The following NEB variants were observed in gnomAD, a reference collection of about 807,000 sequenced individuals.
NEB encodes nebulin, also known as nemaline myopathy type 2.
Under a neutral mutation model 952.2 loss-of-function variants are expected in NEB, and 512 were observed. The ratio of observed to expected loss-of-function variants is 0.54; its 90% CI spans 0.50 to 0.58. The LOEUF is 0.58. NEB is among the 20% of genes least tolerant of loss of function. The pLI, the probability that NEB is intolerant of heterozygous loss-of-function variation, is 0.00. For missense variants in NEB, 8,428 were observed against 9,231.1 expected (o/e 0.91, Z 3.56); for synonymous variants, 2,900 against 3,149.8 (o/e 0.92, Z 2.66).
chr2:151,534,039 A>C (rs1467621430), intron 142 of NEB, among the ~76,000 whole-genome samples: 1 of 152,218 alleles, frequency 6.6e-6, no homozygotes, highest in Non-Finnish European at 1.5e-5. Flanking sequence ...CAGAGCATGG[A>C]CTGGCACACT....
In NEB at chr2:151,570,354, G is replaced by C. The variant is rs1272988101; in HGVS notation, c.17157C>G (p.His5719Gln). 3 of 1,595,470 alleles carry C rather than the reference G, an allele frequency of 1.9e-6. No homozygotes were observed. Among genetic ancestry groups the C allele is most frequent in the African/African-American group, 1.3e-5 (1 of 74,198 alleles). Residue 5719 changes from histidine to glutamine, a missense_variant, in exon 109 of 182, where the codon CAC becomes CAG. Physicochemically the swap from His to Gln is conservative, Grantham distance 24. Around this residue, in one of 11 missense-constraint regions of NEB, gnomAD observed 3,374 missense variants for 3,651.5 expected, o/e 0.92. Transcript: ENST00000397345. ...CCCTGGCTGTGAGGGTGCCCACGTA[G>C]TGTCCCTTCTGCTTCTCATGGTCAA... ...YKLDHEKQKGHYVGTLTARDD... is the reference protein window; with the variant it reads ...YKLDHEKQKGQYVGTLTARDD...
At chr2:151,529,123 T>C (rs1256654903) in intron 146 of NEB, 87 bp downstream of exon 146, 2 of 852,564 alleles carry the variant, frequency 2.3e-6, no homozygotes, top group Non-Finnish European at 4.0e-6. Flanking sequence ...TAGAGCTGAA[T>C]TGCCTGAAGA....
chr2:151,571,438 T>C (rs988268928), intron 107 of NEB, among the ~76,000 whole-genome samples: 43 of 152,252 alleles, frequency 2.8e-4, no homozygotes, highest in African/African-American at 1.0e-3. Context: ...TAGACATTAA[T>C]GGGTTATTGA....
intron 166 of NEB, 151 bp downstream of exon 166, chr2:151,503,198 G>T: frequency 1.6e-6 from 1 of 624,550 alleles, no homozygotes; most frequent in Non-Finnish European, 2.8e-6. Flanking sequence ...GAGTCATTTT[G>T]TATTAACATA....
chr2:151,568,629 T>A lies in NEB; in HGVS notation c.17623A>T (p.Ile5875Phe). 1.2e-6 allele frequency: 2 copies of A among 1,607,078 alleles called. No homozygotes were observed. The highest frequency in any genetic ancestry group is 2.2e-5 in the South Asian group (2 of 89,624). ...DYVTAKQSGEILDDIKYRKDW... is the reference protein window; with the variant it reads ...DYVTAKQSGEFLDDIKYRKDW... ...AGCCATATACTTACATCATCGAGGA[T>A]CTCGCCACTTTGTTTCGCTGTCACA... is the stretch of plus-strand genomic sequence containing the variant. The change falls in exon 111 of 182, where the codon ATC becomes TTC. Residue 5875 changes from isoleucine to phenylalanine, a missense_variant. Coordinates refer to ENST00000397345, the MANE Select transcript of NEB (RefSeq NM_001164508.2).
intron 71 of NEB, among the ~76,000 whole-genome samples, chr2:151,624,822 G>A (rs2098487252): frequency 1.3e-5 from 2 of 152,104 alleles, no homozygotes; most frequent in Admixed American, 1.3e-4. Context: ...GAACAATTGA[G>A]CAAGACGCTA....
chr2:151,632,305 G>A (rs1387135889), intron 65 of NEB, among the ~76,000 whole-genome samples: 1 of 145,082 alleles, frequency 6.9e-6, no homozygotes, highest in Non-Finnish European at 1.5e-5. Context: ...CTTGTATTTT[G>A]TAGTCTAGAC....
chr2:151,512,622 T>G, intron 161 of NEB, 111 bp downstream of exon 161: 1 of 869,730 alleles, frequency 1.1e-6, no homozygotes, highest in Non-Finnish European at 1.9e-6. Flanking sequence ...TGAATCTCTT[T>G]TTTATTGGGA....
rs143473183 is a variant in NEB, at chr2:151,633,887, T to C, written c.9181A>G (p.Met3061Val). The C allele has an allele frequency of 6.2e-7, 1 of 1,613,996 alleles. No homozygotes were observed. Among genetic ancestry groups the C allele is most frequent in the African/African-American group, 1.3e-5 (1 of 75,042 alleles). The change falls in exon 65 of 182, where the codon ATG (methionine) becomes GTG (valine). Residue 3061 changes from methionine to valine, a missense_variant. Met to Val is a conservative substitution (Grantham distance 21). This residue lies in a region of NEB where 1,772 missense variants were observed against 1,960.3 expected (regional missense o/e 0.90). Coordinates refer to ENST00000397345, the MANE Select transcript of NEB (RefSeq NM_001164508.2). Reference sequence around the variant, plus strand: ...ATCTTGGCTACGTGCATGGACCACATCATCTTGGGGTCATCTTCAATGTTC... The same window carrying C: ...ATCTTGGCTACGTGCATGGACCACACCATCTTGGGGTCATCTTCAATGTTC... ...ARNIEDDPKM[M>V]WSMHVAKIQS...
Position 151,650,235 on chromosome 2 carries a change from T to C in NEB, c.7372A>G (p.Ser2458Gly), listed in dbSNP as rs370745767. Residue 2458 changes from serine (S) to glycine (G), a missense_variant, in exon 54 of 182, where the codon AGC (serine) becomes GGC (glycine). Around this residue, in one of 11 missense-constraint regions of NEB, gnomAD observed 1,772 missense variants for 1,960.3 expected, o/e 0.90. Transcript: ENST00000397345. The part of the protein sequence containing the change: ...RQPPDRNKFT[S>G]IPDAMDIVLA... ...ACTATATCCATGGCATCAGGAATGC[T>C]GGTGAACTTGTTTCTGTCTGGAGGC... The C allele has an allele frequency of 5.6e-6, 9 of 1,613,856 alleles. No homozygotes were observed. Among genetic ancestry groups the C allele is most frequent in the African/African-American group, 5.3e-5 (4 of 74,934 alleles).
At chr2:151,687,570 G>A (rs2099512536) in intron 26 of NEB, 38 bp from the exon 27 acceptor site, 2 of 1,612,788 alleles carry the variant, frequency 1.2e-6, no homozygotes, top group Non-Finnish European at 1.7e-6. Flanking sequence ...CCACTCACCA[G>A]GAAATGTCCC....
chr2:151,687,772 A>T (rs2099514325), intron 25 of NEB, 39 bp from the exon 26 acceptor site: 1 of 1,519,798 alleles, frequency 6.6e-7, no homozygotes, highest in East Asian at 2.4e-5. Context: ...GATAAGAACA[A>T]CAGTGTAATC....
chr2:151,494,155 C>T lies in NEB; in HGVS notation c.24579+6G>A. Reference sequence around the variant, plus strand: ...TTAAAAGCACTTTTGTTTCTCAAGACAATACCGAGCTAATGTTTTCTTGAT... The same window carrying T: ...TTAAAAGCACTTTTGTTTCTCAAGATAATACCGAGCTAATGTTTTCTTGAT... On this transcript the variant is annotated splice_donor_region_variant and intron_variant, in intron 174 of 181. Coordinates refer to ENST00000397345, the MANE Select transcript of NEB (RefSeq NM_001164508.2). The T allele has an allele frequency of 6.3e-7, 1 of 1,597,904 alleles. No individual in the cohort carries two copies. The highest frequency in any genetic ancestry group is 8.5e-7 in the Non-Finnish European group (1 of 1,170,330).
rs199564399 is a variant in NEB at position 151,642,561 on chromosome 2, C to G, written c.8373+13G>C. Reference sequence around the variant, plus strand: ...GCCAAAGCTAAGGCAAATAACTTTCCAAGTATACTTACTTCACTTGCAATA... The same window carrying G: ...GCCAAAGCTAAGGCAAATAACTTTCGAAGTATACTTACTTCACTTGCAATA... On this transcript the variant is annotated intron_variant, in intron 60 of 181. Coordinates refer to ENST00000397345, the MANE Select transcript of NEB (RefSeq NM_001164508.2). 5 of 1,598,328 alleles carry G rather than the reference C, an allele frequency of 3.1e-6. No homozygotes were observed. Among genetic ancestry groups the G allele is most frequent in the Non-Finnish European group, 4.3e-6 (5 of 1,169,250 alleles).
At position 151,631,305 on chromosome 2, in the gene NEB, G is replaced by A. The variant is rs1162835245; in HGVS notation, c.9456C>T (p.Gly3152=). The change falls in exon 66 of 182, where the codon GGC becomes GGT. Residue 3152 remains glycine, a synonymous_variant. Coordinates refer to ENST00000397345, the MANE Select transcript of NEB (RefSeq NM_001164508.2). ...CATCCATAGACCCAATGGGGACCCA[G>A]CCAATGCCTCTCAGCCACTGGAGAT... ...KSDLQWLRGI[G]WVPIGSMDVV... The A allele has an allele frequency of 3.7e-6, 6 of 1,613,822 alleles. No homozygotes were observed. Among genetic ancestry groups the A allele is most frequent in the Non-Finnish European group, 5.1e-6 (6 of 1,179,812 alleles).
At chr2:151,673,872 T>C (rs1354487200) in intron 36 of NEB, among the ~76,000 whole-genome samples, 1 of 151,800 alleles carries the variant, frequency 6.6e-6, no homozygotes, top group Non-Finnish European at 1.5e-5. Context: ...CAGCTGGGAC[T>C]ACAGGTGCCC....
At chr2:151,705,964 T>C (rs966683479) in intron 13 of NEB, among the ~76,000 whole-genome samples, 2 of 152,154 alleles carry the variant, frequency 1.3e-5, no homozygotes, top group African/African-American at 4.8e-5. Context: ...TACATATTGA[T>C]CATAGTGTAC....
chr2:151,644,625 A>G (rs756175808), intron 55 of NEB, 50 bp from the exon 56 acceptor site: 2 of 1,403,668 alleles, frequency 1.4e-6, no homozygotes, highest in Non-Finnish European at 2.0e-6. Context: ...CCATAGACAA[A>G]TATAGCATAA....
Position 151,640,661 on chromosome 2 carries a change from C to G in NEB, c.8379G>C (p.Lys2793Asn). 1 of 1,607,404 alleles carries G rather than the reference C, an allele frequency of 6.2e-7. No individual in the cohort carries two copies. The highest frequency in any genetic ancestry group is 8.5e-7 in the Non-Finnish European group (1 of 1,175,298). Residue 2793 changes from lysine to asparagine, a missense_variant, in exon 61 of 182, where the codon AAG becomes AAC. Physicochemically the swap from Lys to Asn is moderately conservative, Grantham distance 94. This residue lies in a region of NEB where 1,772 missense variants were observed against 1,960.3 expected (regional missense o/e 0.90). Transcript: ENST00000397345. ...GCTGCTTACGATAGCCTTCTTTGTA[C>G]TTGAACTAAAAGAAGAAAAAGACAG... ...KASRDIASEF[K>N]YKEGYRKQLG...
Sources: allele counts gnomAD v4.1 joint callset (sites outside exome capture counted in the v4.1 genomes callset), GRCh38; gene constraint gnomAD v4.1.1; regional missense constraint gnomAD v4.1.1; transcripts MANE v1.5; gene names NCBI Gene and HGNC (gene_info 2026-07-23, HGNC 2026-07-21).